EYS: variants seen among roughly 807,000 people sequenced by gnomAD.
EYS encodes the protein EGF-like photoreceptor maintenance factor.
EYS carries 250 observed loss-of-function variants against 282.1 expected under a neutral mutation model. The observed-to-expected ratio is 0.89, with a 90% CI of 0.80 to 0.98. The LOEUF is 0.98. EYS is among the 50% of genes least tolerant of loss of function. The pLI, the probability that EYS is intolerant of heterozygous loss-of-function variation, is 0.00. For missense variants in EYS, 4,016 were observed against 3,709.0 expected (o/e 1.08, Z -2.15); for synonymous variants, 1,355 against 1,282.9 (o/e 1.06, Z -1.20).
At chr6:64,362,901 C>A (rs1387750506) in intron 29 of EYS, among the ~76,000 whole-genome samples, 1 of 151,716 alleles carries the variant, frequency 6.6e-6, no homozygotes, top group African/African-American at 2.4e-5. Flanking sequence ...TTTTAAAGTG[C>A]CTATCATGTG....
At chr6:65,204,751 T>A (rs1373691178) in intron 12 of EYS, among the ~76,000 whole-genome samples, 1 of 151,094 alleles carries the variant, frequency 6.6e-6, no homozygotes, top group African/African-American at 2.4e-5. Flanking sequence ...TACTTAAATA[T>A]TAACCATGTA....
intron 2 of EYS, among the ~76,000 whole-genome samples, chr6:65,500,306 C>T (rs1766405034): frequency 6.6e-6 from 1 of 151,958 alleles, no homozygotes; most frequent in Non-Finnish European, 1.5e-5. Context: ...CAATAATATT[C>T]AAGAGACAAG....
At chr6:64,376,120 G>C (rs1772555846) in intron 29 of EYS, among the ~76,000 whole-genome samples, 1 of 152,148 alleles carries the variant, frequency 6.6e-6, no homozygotes, top group Non-Finnish European at 1.5e-5. Context: ...AGTGGAAGAG[G>C]ACAGAAGACA....
At chr6:64,523,993 T>C (rs912424727) in intron 26 of EYS, among the ~76,000 whole-genome samples, 1 of 151,750 alleles carries the variant, frequency 6.6e-6, no homozygotes, top group African/African-American at 2.4e-5. Flanking sequence ...TTTTCCAGTC[T>C]ATGGTTTTAC....
intron 35 of EYS, among the ~76,000 whole-genome samples, chr6:63,947,197 T>G (rs904275139): frequency 6.6e-6 from 1 of 152,090 alleles, no homozygotes; most frequent in African/African-American, 2.4e-5. Context: ...AGAGTTTGCC[T>G]GTAGAGTGAA....
At chr6:65,378,717 A>C (rs1765490524) in intron 8 of EYS, among the ~76,000 whole-genome samples, 1 of 152,192 alleles carries the variant, frequency 6.6e-6, no homozygotes, top group Admixed American at 6.6e-5. Context: ...AAAAAGGATG[A>C]GTTAATGTTC....
chr6:64,537,679 C>T (rs1324771137), intron 26 of EYS, among the ~76,000 whole-genome samples: 1 of 152,090 alleles, frequency 6.6e-6, no homozygotes, highest in Non-Finnish European at 1.5e-5. Context: ...TTTTTAGAGA[C>T]TTCATGATGA....
chr6:64,631,525 C>G (rs1767782465), intron 22 of EYS: 1 of 152,120 alleles, frequency 6.6e-6, no homozygotes, highest in African/African-American at 2.4e-5. Flanking sequence ...TTTTATTTCA[C>G]ATTTATTAAG....
intron 26 of EYS, among the ~76,000 whole-genome samples, chr6:64,532,779 G>A (rs1361528430): frequency 6.6e-6 from 1 of 152,042 alleles, no homozygotes; most frequent in African/African-American, 2.4e-5. Context: ...CAATGTTTGT[G>A]ATTCTTTCCC....
chr6:64,334,125 T>C (rs1264174439), intron 29 of EYS, among the ~76,000 whole-genome samples: 3 of 152,202 alleles, frequency 2.0e-5, no homozygotes, highest in African/African-American at 7.2e-5. Flanking sequence ...GAAGAAGCTT[T>C]ATAGACAATT....
At chr6:63,831,656 A>C (rs1771641823) in intron 36 of EYS, among the ~76,000 whole-genome samples, 1 of 152,182 alleles carries the variant, frequency 6.6e-6, no homozygotes, top group African/African-American at 2.4e-5. Context: ...AGACAGATCA[A>C]AGAGACAGAA....
At chr6:65,030,336 A>G (rs994219150) in intron 13 of EYS, among the ~76,000 whole-genome samples, 3 of 151,860 alleles carry the variant, frequency 2.0e-5, no homozygotes, top group Non-Finnish European at 4.4e-5. Context: ...GACCCTCCCT[A>G]ACCATCAGAG....
At chr6:64,376,337 A>T (rs1772560296) in intron 29 of EYS, among the ~76,000 whole-genome samples, 3 of 152,168 alleles carry the variant, frequency 2.0e-5, no homozygotes, top group African/African-American at 7.2e-5. Context: ...CACACTAAAG[A>T]TACAGACAAA....
chr6:65,358,809 T>A (rs1764592377), intron 8 of EYS, among the ~76,000 whole-genome samples: 1 of 152,002 alleles, frequency 6.6e-6, no homozygotes, highest in South Asian at 2.1e-4. Context: ...ATTACATTAA[T>A]TGCAGTAAAC....
At chr6:64,143,380 A>G (rs75872736) in intron 31 of EYS, among the ~76,000 whole-genome samples, 3,599 of 149,250 alleles carry the variant, frequency 0.024, 143 homozygotes, top group African/African-American at 0.086. Context: ...AAAAAAAAAA[A>G]AAGTATCACT....
At chr6:64,644,253 T>A (rs1202959774) in intron 22 of EYS, among the ~76,000 whole-genome samples, 1 of 152,182 alleles carries the variant, frequency 6.6e-6, no homozygotes, top group Non-Finnish European at 1.5e-5. Context: ...GAAATTAGCA[T>A]CATAATGGAG....
At chr6:65,144,213 C>G (rs765195345) in intron 12 of EYS, among the ~76,000 whole-genome samples, 1 of 152,086 alleles carries the variant, frequency 6.6e-6, no homozygotes, top group Non-Finnish European at 1.5e-5. Flanking sequence ...TCAAACTTCA[C>G]ATCTTGGCTA....
chr6:65,079,812 C>T (rs999984898), intron 12 of EYS, among the ~76,000 whole-genome samples: 1 of 152,058 alleles, frequency 6.6e-6, no homozygotes, highest in Non-Finnish European at 1.5e-5. Flanking sequence ...CTTACCCCAC[C>T]TCCCTTATTG....
intron 30 of EYS, among the ~76,000 whole-genome samples, chr6:64,302,693 G>A (rs1049052724): frequency 6.6e-6 from 1 of 151,988 alleles, no homozygotes; most frequent in Admixed American, 6.6e-5. Flanking sequence ...CAAAAAAGGG[G>A]GAGTATGAGT....
Sources: gnomAD v4.1 joint callset for allele counts (sites outside exome capture counted in the v4.1 genomes callset) on GRCh38, gnomAD v4.1.1 for gene constraint, MANE v1.5 for transcripts, NCBI Gene and HGNC (gene_info 2026-07-23, HGNC 2026-07-21) for gene names.